Variants in CELF4 observed in about 807,000 individuals in gnomAD.
CELF4 encodes the protein CUGBP Elav-like family member 4.
In CELF4, 18 loss-of-function variants were observed where a neutral mutation model predicts 59.9. The ratio of observed to expected loss-of-function variants is 0.30; its 90% CI spans 0.21 to 0.45. CELF4 has a LOEUF of 0.45. Among genes scored for constraint, CELF4 ranks in the 20% least tolerant of loss-of-function variants. The pLI is 1.00. For synonymous variants in CELF4, 261 were observed against 267.1 expected (o/e 0.98, Z 0.22); for missense variants, 456 against 689.0 (o/e 0.66, Z 3.79).
At chr18:37,454,374 G>A (rs547453370) in intron 2 of CELF4, among the ~76,000 whole-genome samples, 25 of 152,312 alleles carry the variant, frequency 1.6e-4, no homozygotes, top group African/African-American at 6.0e-4. Flanking sequence ...GCATTCAAAT[G>A]ACCCAAGTCA....
At chr18:37,299,947 A>G (rs947897422) in intron 3 of CELF4, among the ~76,000 whole-genome samples, 1 of 151,636 alleles carries the variant, frequency 6.6e-6, no homozygotes, top group African/African-American at 2.4e-5. Context: ...CAGAGCCACA[A>G]CCCCCACCAT....
chr18:37,448,195 A>T (rs765463580), intron 2 of CELF4, among the ~76,000 whole-genome samples: 8 of 152,198 alleles, frequency 5.3e-5, no homozygotes, highest in Non-Finnish European at 7.4e-5. Context: ...TTCAAACTGG[A>T]GGGAGTGGGT....
chr18:37,390,807 A>AGGGGGGGGGGGGG (rs1004031145), intron 2 of CELF4, among the ~76,000 whole-genome samples: 1 of 57,092 alleles, frequency 1.8e-5, no homozygotes, highest in Non-Finnish European at 3.2e-5. Flanking sequence ...TGGGGCGGGG[A>AGGGGGGGGGGGGG]GGGGGGGCAG....
intron 3 of CELF4, 102 bp from the exon 4 acceptor site, chr18:37,275,345 G>T (rs2092934695): frequency 1.4e-5 from 20 of 1,433,928 alleles, no homozygotes; most frequent in Non-Finnish European, 1.9e-5. Context: ...GAGGAGCCGG[G>T]GAGGCGGGGC....
At chr18:37,543,967 G>C (rs1167338965) in intron 1 of CELF4, among the ~76,000 whole-genome samples, 1 of 152,010 alleles carries the variant, frequency 6.6e-6, no homozygotes, top group African/African-American at 2.4e-5. Flanking sequence ...GAGGAGGCTC[G>C]GTGCGGTCTG....
At chr18:37,469,374 A>G (rs938430242) in intron 2 of CELF4, among the ~76,000 whole-genome samples, 1 of 152,134 alleles carries the variant, frequency 6.6e-6, no homozygotes, top group Admixed American at 6.5e-5. Context: ...AGACAGTTCC[A>G]TGTGAATTTG....
Position 37,397,492 on chromosome 18 carries a change from G to A in CELF4, c.370-75611C>T, listed in dbSNP as rs116105980. Among the ~76,000 whole-genome samples the A allele has an allele frequency of 3.1e-3, 473 of 152,296 alleles. 4 individuals are homozygous for A. Among genetic ancestry groups the A allele is most frequent in the African/African-American group, 0.011 (452 of 41,566 alleles). On this transcript the variant is annotated intron_variant, in intron 2 of 12. Transcript: ENST00000420428. Reference sequence around the variant, plus strand: ...GCTCCAGGCTTTGGTTTTCTCATCTGCAGATTGAAGGGATTGGTTGGGATC... The same window carrying A: ...GCTCCAGGCTTTGGTTTTCTCATCTACAGATTGAAGGGATTGGTTGGGATC...
At chr18:37,321,676 T>G (rs553790745) in intron 3 of CELF4, 127 bp downstream of exon 3, 27 of 664,896 alleles carry the variant, frequency 4.1e-5, no homozygotes, top group Admixed American at 2.5e-4. Flanking sequence ...TCCCCAACCC[T>G]CAGCCACGAG....
intron 1 of CELF4, among the ~76,000 whole-genome samples, chr18:37,543,235 G>C (rs992492371): frequency 6.6e-6 from 1 of 152,124 alleles, no homozygotes; most frequent in African/African-American, 2.4e-5. Flanking sequence ...TTCCCATCCC[G>C]AGAGGAAGAA....
At position 37,270,888 on chromosome 18, in the gene CELF4, G is replaced by A. The variant is rs527844187; in HGVS notation, c.979C>T (p.Pro327Ser). Residue 327 changes from proline (P) to serine (S), a missense_variant, in exon 8 of 13, where the codon CCA becomes TCA. Physicochemically the swap from Pro to Ser is moderately conservative, Grantham distance 74 (BLOSUM62 -1). Around this residue, in one of 7 missense-constraint regions of CELF4, gnomAD observed 256 missense variants for 340.8 expected, o/e 0.75. Coordinates refer to ENST00000420428, the MANE Select transcript of CELF4 (RefSeq NM_020180.4). ...GGGGATGGGATGCTAGGCACGGCTG[G>A]TGCAGTGATGCCCGGAGGGGTGCTG... ...GGSTPPGITA[P>S]AVPSIPSPIG... The A allele has an allele frequency of 3.7e-6, 6 of 1,612,686 alleles. No homozygotes were observed. The South Asian group carries it at 4.4e-5, about 12-fold the overall frequency.
At chr18:37,272,891 T>C in intron 7 of CELF4, 125 bp downstream of exon 7, 1 of 943,898 alleles carries the variant, frequency 1.1e-6, no homozygotes, top group Non-Finnish European at 1.6e-6. Context: ...AGGCAAGTCC[T>C]CTCGGGCCCA....
chr18:37,508,269 A>G (rs1219939099), intron 1 of CELF4, among the ~76,000 whole-genome samples: 1 of 152,190 alleles, frequency 6.6e-6, no homozygotes, highest in African/African-American at 2.4e-5. Flanking sequence ...GGTAAGTGCT[A>G]GCAAGGCAGT....
chr18:37,543,971 C>T (rs1177057462), intron 1 of CELF4, among the ~76,000 whole-genome samples: 10 of 151,876 alleles, frequency 6.6e-5, no homozygotes, highest in South Asian at 2.1e-4. Context: ...AGGCTCGGTG[C>T]GGTCTGTCCA....
intron 1 of CELF4, among the ~76,000 whole-genome samples, chr18:37,545,775 C>T (rs940290643): frequency 1.3e-5 from 2 of 150,874 alleles, no homozygotes; most frequent in Non-Finnish European, 2.9e-5. Flanking sequence ...CACACACACA[C>T]GGCCCTGCAC....
chr18:37,407,922 A>T lies in CELF4; in HGVS notation c.369+77603T>A, dbSNP rs575312709. On this transcript the variant is annotated intron_variant, in intron 2 of 12. Transcript: ENST00000420428. ...AGGCAACCTTTTCCTTTTTTAATCAAATCTGCTCTGTACCACAGAATATTT... is the reference window on the plus strand; with the variant it reads ...AGGCAACCTTTTCCTTTTTTAATCATATCTGCTCTGTACCACAGAATATTT... 4.1e-5 allele frequency among the ~76,000 whole-genome samples: 4 copies of T among 97,790 alleles called. 1 individual carries two copies. Among genetic ancestry groups the T allele is most frequent in the African/African-American group, 1.1e-4 (4 of 37,096 alleles). 64.2% of individuals were successfully genotyped at this position (97,790 alleles called of 152,430 possible). A position where few individuals can be genotyped will look rare whatever the true frequency, so the allele number is the denominator to read the frequency against.
At chr18:37,562,895 A>AAT (rs948186727) in intron 1 of CELF4, among the ~76,000 whole-genome samples, 45 of 152,228 alleles carry the variant, frequency 3.0e-4, no homozygotes, top group Middle Eastern at 3.4e-3. Flanking sequence ...CACTGGGAAA[A>AAT]ATATATGCTC....
At chr18:37,291,128 C>T (rs981553975) in intron 3 of CELF4, among the ~76,000 whole-genome samples, 1 of 152,118 alleles carries the variant, frequency 6.6e-6, no homozygotes, top group Non-Finnish European at 1.5e-5. Context: ...AGGCTGGTTT[C>T]GAACTCCTGA....
At chr18:37,327,977 C>T (rs892858057) in intron 2 of CELF4, among the ~76,000 whole-genome samples, 1 of 152,212 alleles carries the variant, frequency 6.6e-6, no homozygotes, top group African/African-American at 2.4e-5. Context: ...ACACATGAAC[C>T]TGCACTACTC....
intron 2 of CELF4, among the ~76,000 whole-genome samples, chr18:37,377,408 T>C (rs527665950): frequency 3.3e-5 from 5 of 151,614 alleles, no homozygotes; most frequent in African/African-American, 1.2e-4. Context: ...AGGAAGAAAA[T>C]CCCCCTTCCC....
Sources: gnomAD v4.1 joint callset for allele counts (sites outside exome capture counted in the v4.1 genomes callset) on GRCh38, gnomAD v4.1.1 for gene constraint, gnomAD v4.1.1 regional missense constraint, MANE v1.5 for transcripts, NCBI Gene and HGNC (gene_info 2026-07-23, HGNC 2026-07-21) for gene names.